The following LRRC37A variants were observed in gnomAD, a reference collection of about 807,000 sequenced individuals.
The protein encoded by LRRC37A is leucine-rich repeat-containing protein 37A.
In LRRC37A, 3 loss-of-function variants were observed where a neutral mutation model predicts 35.4. The observed-to-expected ratio is 0.08, with a 90% confidence interval of 0.04 to 0.22. LRRC37A has a LOEUF of 0.22. Ranked by LOEUF, LRRC37A falls within the 10% of genes least tolerant of loss-of-function variation. LRRC37A has a pLI of 1.00. For missense variants in LRRC37A, 67 were observed against 565.3 expected (o/e 0.12, Z 8.94); for synonymous variants, 23 against 215.0 (o/e 0.11, Z 7.81).
chr17:46,272,276 A>G, the LRRC37A span, among the ~76,000 whole-genome samples: 1 of 152,246 alleles, frequency 6.6e-6, no homozygotes, highest in Non-Finnish European at 1.5e-5. Context: ...GAGTATCACA[A>G]ATGTACAGTT....
chr17:46,265,482 T>G, the LRRC37A span, among the ~76,000 whole-genome samples: 1 of 110,634 alleles, frequency 9.0e-6, no homozygotes, highest in Non-Finnish European at 2.4e-5. Context: ...TTCTTCTTCT[T>G]TCTTTTTTTT....
At chr17:46,259,522 G>C in the LRRC37A span, 1 of 1,606,152 alleles carries the variant, frequency 6.2e-7, no homozygotes, top group Non-Finnish European at 8.5e-7. Context: ...ATGCCCATTC[G>C]GGCTGCCTGT....
chr17:46,286,590 G>A, the LRRC37A span, among the ~76,000 whole-genome samples: 5 of 152,116 alleles, frequency 3.3e-5, no homozygotes, highest in Non-Finnish European at 7.3e-5. Flanking sequence ...TTTCCCCAAT[G>A]TGTCTCAAAC....
At chr17:46,252,377 C>CT in the LRRC37A span, among the ~76,000 whole-genome samples, 480 of 122,006 alleles carry the variant, frequency 3.9e-3, 26 homozygotes, top group Admixed American at 7.7e-3. Context: ...CATTTTCTTT[C>CT]TTTTTTTTTT....
At chr17:46,253,521 C>A in the LRRC37A span, among the ~76,000 whole-genome samples, 4 of 152,332 alleles carry the variant, frequency 2.6e-5, no homozygotes, top group African/African-American at 9.6e-5. Flanking sequence ...CCGAGGCTGG[C>A]GGATCACTCG....
At chr17:46,288,696 C>CTTTTTTTTTTT (rs2049984588), upstream of LRRC37A, among the ~76,000 whole-genome samples, 1 of 148,010 alleles carries the variant, frequency 6.8e-6, no homozygotes, top group Admixed American at 6.8e-5. Context: ...TTTACTGCAT[C>CTTTTTTTTTTT]TTGTTTTTTC....
At chr17:46,250,993 G>A in the LRRC37A span, among the ~76,000 whole-genome samples, 1 of 152,132 alleles carries the variant, frequency 6.6e-6, no homozygotes, top group African/African-American at 2.4e-5. Context: ...GCACAATTGT[G>A]ACTCACTGCT....
the LRRC37A span, chr17:46,267,343 G>T: frequency 6.5e-7 from 1 of 1,546,936 alleles, no homozygotes; most frequent in Non-Finnish European, 8.8e-7. Flanking sequence ...GATAGTGCAT[G>T]ACGTGGACGT....
chr17:46,278,324 T>C, the LRRC37A span, among the ~76,000 whole-genome samples: 5 of 152,220 alleles, frequency 3.3e-5, no homozygotes, highest in African/African-American at 9.7e-5. Context: ...AGAGCCAAGC[T>C]CACTTAACCA....
chr17:46,289,792 T>A (rs1391194178), upstream of LRRC37A, among the ~76,000 whole-genome samples: 2 of 152,280 alleles, frequency 1.3e-5, no homozygotes, highest in Non-Finnish European at 2.9e-5. Context: ...TTAATTTTTT[T>A]AATGAAGGGC....
At chr17:46,268,581 G>A in the LRRC37A span, 1 of 1,536,362 alleles carries the variant, frequency 6.5e-7, no homozygotes, top group Non-Finnish European at 8.8e-7. Context: ...GGTCCTGAGA[G>A]GCCATCTCTG....
upstream of LRRC37A, among the ~76,000 whole-genome samples, chr17:46,290,533 G>A (rs1384096385): frequency 2.0e-5 from 3 of 152,176 alleles, no homozygotes; most frequent in Non-Finnish European, 2.9e-5. Flanking sequence ...TGCAACCTCC[G>A]CCTTCTGGGT....
the LRRC37A span, among the ~76,000 whole-genome samples, chr17:46,253,339 G>C: frequency 2.0e-5 from 3 of 152,066 alleles, no homozygotes; most frequent in Non-Finnish European, 4.4e-5. Context: ...TCACTTCCCA[G>C]ACGGGGTGGC....
the LRRC37A span, among the ~76,000 whole-genome samples, chr17:46,270,679 C>T: frequency 1.1e-4 from 17 of 152,278 alleles, no homozygotes; most frequent in East Asian, 1.5e-3. Flanking sequence ...GAGACCAAGG[C>T]GGGTGGATCA....
the LRRC37A span, among the ~76,000 whole-genome samples, chr17:46,280,991 G>C: frequency 6.6e-6 from 1 of 152,138 alleles, no homozygotes; most frequent in Non-Finnish European, 1.5e-5. Flanking sequence ...TAGACTTCTA[G>C]GTTGAAAATC....
the LRRC37A span, among the ~76,000 whole-genome samples, chr17:46,253,260 T>C: frequency 2.9e-5 from 4 of 138,712 alleles, no homozygotes; most frequent in African/African-American, 1.1e-4. Flanking sequence ...CCTCACTTCC[T>C]AGATGGGATG....
chr17:46,253,750 G>C, the LRRC37A span, among the ~76,000 whole-genome samples: 1 of 150,300 alleles, frequency 6.7e-6, no homozygotes. Flanking sequence ...GAGGGAGACC[G>C]TGGGGAGAGG....
At chr17:46,254,917 C>A in the LRRC37A span, among the ~76,000 whole-genome samples, 1 of 151,852 alleles carries the variant, frequency 6.6e-6, no homozygotes, top group Admixed American at 6.6e-5. Context: ...CTCACTGCAA[C>A]CTCTGCCTCC....
chr17:46,274,130 C>T, the LRRC37A span, among the ~76,000 whole-genome samples: 1 of 152,186 alleles, frequency 6.6e-6, no homozygotes, highest in Admixed American at 6.5e-5. Flanking sequence ...ACCTTGCAGC[C>T]CTCCCTCCCC....
Sources: allele counts gnomAD v4.1 joint callset (sites outside exome capture counted in the v4.1 genomes callset), GRCh38; gene constraint gnomAD v4.1.1; transcripts MANE v1.5; gene names NCBI Gene and HGNC (gene_info 2026-07-23, HGNC 2026-07-21).